Variants in ACAD10 observed in about 807,000 individuals in gnomAD.
ACAD10 encodes ACAD-10.
ACAD10 carries 112 observed loss-of-function variants against 116.8 expected under a neutral mutation model. The observed-to-expected ratio is 0.96, with a 90% confidence interval of 0.82 to 1.12. The LOEUF (loss-of-function observed/expected upper bound fraction) is 1.12, where lower values mean the gene tolerates loss of function less well. Ranked by LOEUF, ACAD10 falls within the 50% of genes most tolerant of loss-of-function variation. The pLI is 0.00. For missense variants in ACAD10, 1,259 were observed against 1,350.2 expected (o/e 0.93, Z 1.06); for synonymous variants, 486 against 510.6 (o/e 0.95, Z 0.65).
At chr12:111,736,468 G>A (rs529026085) in intron 11 of ACAD10, among the ~76,000 whole-genome samples, 8 of 152,320 alleles carry the variant, frequency 5.3e-5, no homozygotes, top group African/African-American at 1.9e-4. Context: ...TGGGATTACA[G>A]GCATGAGCCA....
chr12:111,730,006 A>C, intron 10 of ACAD10, 50 bp downstream of exon 10: 1 of 1,588,418 alleles, frequency 6.3e-7, no homozygotes, highest in Non-Finnish European at 8.6e-7. Context: ...GGATGCTCCA[A>C]GGGGGAATTG....
At position 111,709,674 on chromosome 12, in the gene ACAD10, A is replaced by G. The variant is rs1206428283; in HGVS notation, c.680A>G (p.His227Arg). ...NLKEAARLGI[H>R]TIKVNDPETA... ...AAAGAAGCTGCCAGACTTGGTATTC[A>G]CACCATTAAGGTAATAGTCACTAAT... The change falls in exon 5 of 21, where the codon CAC (histidine) becomes CGC (arginine). Residue 227 changes from histidine (H) to arginine (R), a missense_variant. Physicochemically the swap from His to Arg is conservative, Grantham distance 29 (BLOSUM62 0). Coordinates refer to ENST00000313698, the MANE Select transcript of ACAD10 (RefSeq NM_025247.6). The G allele has an allele frequency of 6.2e-7, 1 of 1,612,662 alleles. No individual in the cohort carries two copies.
chr12:111,703,039 G>A (rs569720444), intron 3 of ACAD10, among the ~76,000 whole-genome samples: 5 of 149,334 alleles, frequency 3.3e-5, no homozygotes, highest in East Asian at 3.9e-4. Flanking sequence ...AACCATGACC[G>A]TGCCACTGCA....
intron 2 of ACAD10, among the ~76,000 whole-genome samples, chr12:111,697,743 G>A (rs545368474): frequency 1.3e-5 from 2 of 151,210 alleles, no homozygotes; most frequent in South Asian, 2.1e-4. Flanking sequence ...CCACCACCAC[G>A]CCCTGCTAAT....
At chr12:111,751,773 G>A (rs115368534) in intron 18 of ACAD10, among the ~76,000 whole-genome samples, 2,371 of 151,202 alleles carry the variant, frequency 0.016, 73 homozygotes, top group African/African-American at 0.054. Flanking sequence ...TAGTAGCCAG[G>A]TGGGGCTGGG....
chr12:111,716,249 G>A (rs1888845000), intron 7 of ACAD10, among the ~76,000 whole-genome samples: 1 of 151,984 alleles, frequency 6.6e-6, no homozygotes, highest in Non-Finnish European at 1.5e-5. Flanking sequence ...GCATGAACCT[G>A]TAGTCACACC....
rs1259178500 is a variant in ACAD10 at position 111,712,498 on chromosome 12, G to A, written c.691G>A (p.Val231Ile). ...ATCTACATATTCTCTCTGAAACCAGGTTAATGACCCAGAGACTGCAGTAAA... is the reference window on the plus strand; with the variant it reads ...ATCTACATATTCTCTCTGAAACCAGATTAATGACCCAGAGACTGCAGTAAA... ...AARLGIHTIK[V>I]NDPETAVKEL... is the part of the protein sequence containing the mutation. The change falls in exon 6 of 21, where the codon GTT (valine) becomes ATT (isoleucine). Residue 231 changes from valine to isoleucine, a missense_variant and splice_region_variant. Transcript: ENST00000313698. 6.2e-7 allele frequency: 1 copy of A among 1,611,344 alleles called. No homozygotes were observed. Among genetic ancestry groups the A allele is most frequent in the Non-Finnish European group, 8.5e-7 (1 of 1,179,056 alleles).
intron 7 of ACAD10, among the ~76,000 whole-genome samples, chr12:111,716,446 G>A (rs1888849158): frequency 2.0e-5 from 3 of 152,318 alleles, no homozygotes; most frequent in South Asian, 4.1e-4. Context: ...AAGCCTCAGC[G>A]TTTTCATACT....
intron 2 of ACAD10, among the ~76,000 whole-genome samples, chr12:111,697,314 G>T (rs1169879266): frequency 1.3e-5 from 2 of 150,452 alleles, no homozygotes; most frequent in Non-Finnish European, 3.0e-5. Context: ...TAAAATTTTT[G>T]TTAGTGTGAT....
At chr12:111,714,279 C>T (rs975049167) in intron 6 of ACAD10, among the ~76,000 whole-genome samples, 3 of 150,976 alleles carry the variant, frequency 2.0e-5, no homozygotes, top group Non-Finnish European at 3.0e-5. Flanking sequence ...GATTTTAAAA[C>T]GCAACAAATT....
At position 111,717,329 on chromosome 12, in the gene ACAD10, A is replaced by G. The variant is rs536144183; in HGVS notation, c.992+1367A>G. Reference sequence around the variant, plus strand: ...GCTGAGATCGTACCGCTGCACTCACAAAGTGAGACCCTGTCTCAAAAAAAA... The same window carrying G: ...GCTGAGATCGTACCGCTGCACTCACGAAGTGAGACCCTGTCTCAAAAAAAA... On this transcript the variant is annotated intron_variant, in intron 7 of 20. Coordinates refer to ENST00000313698, the MANE Select transcript of ACAD10 (RefSeq NM_025247.6). 4.0e-5 allele frequency among the ~76,000 whole-genome samples: 6 copies of G among 150,266 alleles called. No homozygotes were observed. In the East Asian group the frequency reaches 1.2e-3, roughly 30 times the overall value.
At chr12:111,705,395 T>TA (rs1245393241) in intron 3 of ACAD10, among the ~76,000 whole-genome samples, 1 of 151,864 alleles carries the variant, frequency 6.6e-6, no homozygotes, top group Non-Finnish European at 1.5e-5. Flanking sequence ...CTAGCTAAGT[T>TA]AAAAAAAAAT....
At chr12:111,754,058 G>T in intron 19 of ACAD10, 143 bp downstream of exon 19, 1 of 1,233,560 alleles carries the variant, frequency 8.1e-7, no homozygotes. Context: ...TCAAAAATTG[G>T]AAAGGCACAA....
intron 10 of ACAD10, among the ~76,000 whole-genome samples, chr12:111,733,306 G>A (rs1281361603): frequency 6.6e-6 from 1 of 151,844 alleles, no homozygotes; most frequent in Non-Finnish European, 1.5e-5. Flanking sequence ...TTGTTATGTT[G>A]CCCGGGCTGG....
In ACAD10 at chr12:111,756,890, C is replaced by T. The variant is rs1428668889; in HGVS notation, c.*417C>T. On this transcript the variant is annotated 3_prime_UTR_variant, in exon 21 of 21. Coordinates refer to ENST00000313698, the MANE Select transcript of ACAD10 (RefSeq NM_025247.6). Reference sequence around the variant, plus strand: ...GGCAGCTGCAGGGTTCCTGTCTGGCCTCCCTGGTGAGCAGAGGGGCGGCCA... The same window carrying T: ...GGCAGCTGCAGGGTTCCTGTCTGGCTTCCCTGGTGAGCAGAGGGGCGGCCA... 1 of 459,882 alleles carries T rather than the reference C, an allele frequency of 2.2e-6. No homozygotes were observed. Among genetic ancestry groups the T allele is most frequent in the African/African-American group, 2.0e-5 (1 of 50,364 alleles). 28.5% of individuals were successfully genotyped at this position (459,882 alleles called of 1,614,324 possible). A position where few individuals can be genotyped will look rare whatever the true frequency, so the allele number is the denominator to read the frequency against.
intron 19 of ACAD10, 65 bp from the exon 20 acceptor site, chr12:111,755,603 G>A: frequency 3.3e-6 from 4 of 1,211,636 alleles, no homozygotes; most frequent in South Asian, 2.5e-5. Flanking sequence ...GGGGACGGGG[G>A]GGCCTCACTC....
chr12:111,753,415 G>C (rs1890124827), intron 18 of ACAD10: 1 of 455,860 alleles, frequency 2.2e-6, no homozygotes, highest in Admixed American at 2.4e-5. Flanking sequence ...TCATTCCCAG[G>C]AGTAGCCTTG....
chr12:111,734,165 A>T (rs1889482689), intron 11 of ACAD10, 97 bp downstream of exon 11: 1 of 1,542,816 alleles, frequency 6.5e-7, no homozygotes, highest in Non-Finnish European at 8.8e-7. Context: ...GGGCGGGGGA[A>T]GTGAAAGTGA....
chr12:111,692,936 G>A (rs762827554), intron 2 of ACAD10, 40 bp downstream of exon 2: 4 of 1,598,688 alleles, frequency 2.5e-6, no homozygotes, highest in Admixed American at 3.4e-5. Flanking sequence ...GGACTAGAGT[G>A]GTGGTGGGAG....
Sources: allele counts gnomAD v4.1 joint callset (sites outside exome capture counted in the v4.1 genomes callset), GRCh38; gene constraint gnomAD v4.1.1; transcripts MANE v1.5; gene names NCBI Gene and HGNC (gene_info 2026-07-23, HGNC 2026-07-21).